SH3GL2: variants seen among roughly 807,000 people sequenced by gnomAD.
The protein encoded by SH3GL2 is endophilin-A1.
Under a neutral mutation model 46.0 loss-of-function variants are expected in SH3GL2, and 24 were observed. That is an observed-to-expected ratio of 0.52 (90% CI 0.38 to 0.73). The LOEUF (loss-of-function observed/expected upper bound fraction) is 0.73. SH3GL2 is among the 30% of genes least tolerant of loss of function. The probability of loss-of-function intolerance (pLI) is 0.00; values close to 1 mark genes in which losing one functional copy is unlikely to be tolerated. For missense variants in SH3GL2, 413 were observed against 424.2 expected (o/e 0.97, Z 0.23); for synonymous variants, 196 against 147.1 (o/e 1.33, Z -2.40).
intron 3 of SH3GL2, among the ~76,000 whole-genome samples, chr9:17,768,678 C>T (rs561404403): frequency 2.0e-5 from 3 of 152,216 alleles, no homozygotes; most frequent in African/African-American, 7.2e-5. Flanking sequence ...TTCCCCTTCT[C>T]CTGGTAGAAT....
At chr9:17,591,320 C>T (rs1384884802) in intron 1 of SH3GL2, 1 of 151,852 alleles carries the variant, frequency 6.6e-6, no homozygotes, top group East Asian at 1.9e-4. Context: ...ATCTAAATTA[C>T]CTAAATTCTT....
At chr9:17,753,451 G>GT (rs1822904298) in intron 2 of SH3GL2, among the ~76,000 whole-genome samples, 1 of 152,176 alleles carries the variant, frequency 6.6e-6, no homozygotes, top group African/African-American at 2.4e-5. Context: ...TTTCTCATAT[G>GT]TTTCTTGGCC....
At chr9:17,758,986 G>A (rs986121143) in intron 2 of SH3GL2, among the ~76,000 whole-genome samples, 1 of 152,144 alleles carries the variant, frequency 6.6e-6, no homozygotes, top group Non-Finnish European at 1.5e-5. Context: ...CAGGGTCTCT[G>A]GGTCTTCCCT....
At chr9:17,623,456 T>G (rs966833560) in intron 1 of SH3GL2, among the ~76,000 whole-genome samples, 1 of 152,142 alleles carries the variant, frequency 6.6e-6, no homozygotes, top group Non-Finnish European at 1.5e-5. Flanking sequence ...GGGAATGAAT[T>G]AAGAAGAAGG....
chr9:17,761,534 A>G, intron 3 of SH3GL2, 25 bp downstream of exon 3: 2 of 1,359,080 alleles, frequency 1.5e-6, no homozygotes, highest in Non-Finnish European at 2.1e-6. Context: ...TATATGTTTA[A>G]AGGATCCCTC....
intron 1 of SH3GL2, among the ~76,000 whole-genome samples, chr9:17,679,775 T>G (rs1422617519): frequency 6.6e-6 from 1 of 152,202 alleles, no homozygotes; most frequent in Non-Finnish European, 1.5e-5. Context: ...TTGTGATAAA[T>G]AGCTCTTATT....
At chr9:17,694,131 G>A (rs1413731811) in intron 1 of SH3GL2, among the ~76,000 whole-genome samples, 1 of 152,046 alleles carries the variant, frequency 6.6e-6, no homozygotes, top group African/African-American at 2.4e-5. Context: ...TTCTGTATTA[G>A]TCTGTTCTTA....
At chr9:17,626,386 T>A (rs954194768) in intron 1 of SH3GL2, among the ~76,000 whole-genome samples, 5 of 152,234 alleles carry the variant, frequency 3.3e-5, no homozygotes, top group African/African-American at 1.2e-4. Context: ...CTGCCCCTTC[T>A]AGAAGCCTCG....
Position 17,665,722 on chromosome 9 carries a change from G to A in SH3GL2, c.46-81344G>A, listed in dbSNP as rs138829812. Among the ~76,000 whole-genome samples the A allele has an allele frequency of 1.2e-3, 184 of 151,704 alleles. 5 individuals are homozygous for A. In the East Asian group the frequency reaches 0.027, roughly 22 times the overall value. Reference sequence around the variant, plus strand: ...TCCTTGGAATCAGCCAGTACTCTAAGGACCCCTGGTTCTTTTTACTGGAGA... The same window carrying A: ...TCCTTGGAATCAGCCAGTACTCTAAAGACCCCTGGTTCTTTTTACTGGAGA... On this transcript the variant is annotated intron_variant, in intron 1 of 8. Transcript: ENST00000380607.
chr9:17,786,366 T>C lies in SH3GL2; in HGVS notation c.188-15T>C, dbSNP rs1823957298. ...CATTGCCTACTCTGAAAGCTTGTTC[T>C]CTCTTCACCTTCAGCTTCCAGAGCT... is the stretch of plus-strand genomic sequence containing the variant. On this transcript the variant is annotated splice_polypyrimidine_tract_variant and intron_variant, in intron 3 of 8. Transcript: ENST00000380607. 5.6e-6 allele frequency: 9 copies of C among 1,598,658 alleles called. No individual in the cohort carries two copies. The East Asian group carries it at 1.3e-4, about 24-fold the overall frequency.
chr9:17,740,039 A>G (rs2118487334), intron 1 of SH3GL2, among the ~76,000 whole-genome samples: 1 of 152,234 alleles, frequency 6.6e-6, no homozygotes, highest in African/African-American at 2.4e-5. Flanking sequence ...ATTCAAAGAA[A>G]ATCAGTGTTC....
intron 1 of SH3GL2, among the ~76,000 whole-genome samples, chr9:17,617,146 A>G (rs1819022022): frequency 6.6e-6 from 1 of 152,074 alleles, no homozygotes; most frequent in African/African-American, 2.4e-5. Flanking sequence ...GAGCTTCCCC[A>G]TTGTTTCATA....
intron 1 of SH3GL2, among the ~76,000 whole-genome samples, chr9:17,723,801 A>T (rs1821955098): frequency 2.0e-5 from 3 of 151,960 alleles, no homozygotes; most frequent in Admixed American, 1.3e-4. Flanking sequence ...CCTGATTTGC[A>T]CTTTGAATGT....
intron 1 of SH3GL2, among the ~76,000 whole-genome samples, chr9:17,706,394 G>C (rs1347497425): frequency 6.6e-6 from 1 of 152,062 alleles, no homozygotes; most frequent in Non-Finnish European, 1.5e-5. Flanking sequence ...CATTGCCTGT[G>C]ATGCTAGCAC....
At chr9:17,749,212 C>G (rs1402795554) in intron 2 of SH3GL2, among the ~76,000 whole-genome samples, 1 of 152,186 alleles carries the variant, frequency 6.6e-6, no homozygotes, top group African/African-American at 2.4e-5. Flanking sequence ...GATCCTCAAC[C>G]AAAGCTGGTA....
chr9:17,581,916 C>T (rs565174502), intron 1 of SH3GL2, among the ~76,000 whole-genome samples: 3 of 152,244 alleles, frequency 2.0e-5, no homozygotes, highest in African/African-American at 4.8e-5. Context: ...CCAGGCTGGT[C>T]TCGAACTCCT....
At chr9:17,767,923 T>C (rs1183325801) in intron 3 of SH3GL2, among the ~76,000 whole-genome samples, 1 of 152,202 alleles carries the variant, frequency 6.6e-6, no homozygotes, top group East Asian at 1.9e-4. Flanking sequence ...TTTCTACTTC[T>C]ACATCTTTGG....
At chr9:17,689,040 A>T (rs531335488) in intron 1 of SH3GL2, among the ~76,000 whole-genome samples, 1 of 152,232 alleles carries the variant, frequency 6.6e-6, no homozygotes, top group East Asian at 1.9e-4. Context: ...CAGCCAGGTG[A>T]TCAAGGTGTA....
At chr9:17,612,262 G>A (rs954246437) in intron 1 of SH3GL2, among the ~76,000 whole-genome samples, 1 of 152,140 alleles carries the variant, frequency 6.6e-6, no homozygotes, top group African/African-American at 2.4e-5. Context: ...GCCTGAGTGT[G>A]GCTTGTGGTG....
Sources: allele counts gnomAD v4.1 joint callset (sites outside exome capture counted in the v4.1 genomes callset), GRCh38; gene constraint gnomAD v4.1.1; transcripts MANE v1.5; gene names NCBI Gene and HGNC (gene_info 2026-07-23, HGNC 2026-07-21).